GRID2: variants seen among roughly 807,000 people sequenced by gnomAD.
GRID2 encodes the protein glutamate ionotropic receptor delta type subunit 2.
GRID2 carries 33 observed loss-of-function variants against 114.8 expected under a neutral mutation model. That is an observed-to-expected ratio of 0.29 (90% CI 0.22 to 0.38). The LOEUF (loss-of-function observed/expected upper bound fraction) is 0.38. GRID2 is among the 10% of genes least tolerant of loss of function. The pLI, the probability that GRID2 is intolerant of heterozygous loss-of-function variation, is 1.00. For missense variants in GRID2, 1,184 were observed against 1,257.7 expected (o/e 0.94, Z 0.89); for synonymous variants, 505 against 449.9 (o/e 1.12, Z -1.55).
intron 12 of GRID2, among the ~76,000 whole-genome samples, chr4:93,514,411 C>G (rs1202108848): frequency 6.8e-6 from 1 of 146,464 alleles, no homozygotes; most frequent in South Asian, 2.1e-4. Context: ...TCGCTCCCCC[C>G]ACCTCCACAG....
chr4:93,314,840 C>G (rs1328444797), intron 8 of GRID2, among the ~76,000 whole-genome samples: 1 of 151,914 alleles, frequency 6.6e-6, no homozygotes, highest in East Asian at 1.9e-4. Context: ...ACCTATTTGC[C>G]ATTTTTTGTT....
At chr4:92,708,344 C>T (rs143631957) in intron 2 of GRID2, among the ~76,000 whole-genome samples, 6 of 152,262 alleles carry the variant, frequency 3.9e-5, no homozygotes, top group African/African-American at 1.4e-4. Context: ...AATAAAAAAT[C>T]ATGTACCTCA....
At chr4:92,800,130 TAAAG>T (rs1740082032) in intron 2 of GRID2, among the ~76,000 whole-genome samples, 1 of 151,496 alleles carries the variant, frequency 6.6e-6, no homozygotes, top group African/African-American at 2.4e-5. Context: ...TATATATTAA[TAAAG>T]AAAAATAATC....
At chr4:93,365,121 T>C (rs1762217965) in intron 8 of GRID2, among the ~76,000 whole-genome samples, 1 of 152,204 alleles carries the variant, frequency 6.6e-6, no homozygotes, top group Non-Finnish European at 1.5e-5. Context: ...CATCAGATTA[T>C]ATTGCAACAT....
chr4:93,178,097 T>G (rs1000031539), intron 4 of GRID2, among the ~76,000 whole-genome samples: 2 of 150,876 alleles, frequency 1.3e-5, no homozygotes, highest in Non-Finnish European at 2.9e-5. Context: ...TATAAGCTAG[T>G]GAGCAAGTAA....
intron 2 of GRID2, among the ~76,000 whole-genome samples, chr4:92,627,097 G>T (rs922743832): frequency 6.6e-6 from 1 of 151,974 alleles, no homozygotes; most frequent in East Asian, 1.9e-4. Flanking sequence ...ACATTTTGCA[G>T]AATCAACAAT....
chr4:92,700,518 T>G (rs1734619601), intron 2 of GRID2, among the ~76,000 whole-genome samples: 1 of 152,168 alleles, frequency 6.6e-6, no homozygotes, highest in Non-Finnish European at 1.5e-5. Context: ...TAATTCTCCT[T>G]TCCCTTAGTT....
chr4:92,768,525 T>G (rs1342237110), intron 2 of GRID2, among the ~76,000 whole-genome samples: 2 of 152,218 alleles, frequency 1.3e-5, no homozygotes, highest in African/African-American at 4.8e-5. Context: ...AAATTAGTTA[T>G]AGCAGTGGGC....
chr4:92,651,299 G>T (rs754799889), intron 2 of GRID2, among the ~76,000 whole-genome samples: 1 of 152,050 alleles, frequency 6.6e-6, no homozygotes, highest in East Asian at 1.9e-4. Flanking sequence ...CAGGGACTCA[G>T]TGTGGGTCTC....
chr4:93,769,541 G>A lies in GRID2; in HGVS notation c.2601+91G>A, dbSNP rs184706641. 38 of 1,228,250 alleles carry A rather than the reference G, an allele frequency of 3.1e-5. No individual in the cohort carries two copies. The East Asian group carries it at 8.2e-4, about 26-fold the overall frequency. The allele number at this position is 1,228,250 out of a possible 1,614,324, so 76.1% of individuals were successfully genotyped here. ...ATCCCAGGGAGGATAATGGGTTGGG[G>A]GTGGTCCTTGTTTTTTCGTTTCTTG... On this transcript the variant is annotated intron_variant, in intron 15 of 15. Coordinates refer to ENST00000282020, the MANE Select transcript of GRID2 (RefSeq NM_001510.4).
intron 2 of GRID2, among the ~76,000 whole-genome samples, chr4:93,041,514 C>G (rs530907650): frequency 6.6e-6 from 1 of 152,086 alleles, no homozygotes; most frequent in Admixed American, 6.5e-5. Flanking sequence ...TGTAGTTAAA[C>G]TCATATGAGG....
chr4:93,548,943 TA>T (rs534841497), intron 13 of GRID2, among the ~76,000 whole-genome samples: 37 of 145,878 alleles, frequency 2.5e-4, no homozygotes, highest in Non-Finnish European at 2.4e-4. Context: ...TTTAGAGAAG[TA>T]AAAAAAAAAA....
At chr4:93,581,430 T>C (rs940192577) in intron 13 of GRID2, among the ~76,000 whole-genome samples, 1 of 152,118 alleles carries the variant, frequency 6.6e-6, no homozygotes, top group Non-Finnish European at 1.5e-5. Flanking sequence ...TACACAGCAT[T>C]TATATCCGTA....
intron 14 of GRID2, among the ~76,000 whole-genome samples, chr4:93,691,588 A>G (rs1726569620): frequency 6.6e-6 from 1 of 152,122 alleles, no homozygotes; most frequent in South Asian, 2.1e-4. Context: ...TTTCATTTAT[A>G]GAATAGAAGA....
At chr4:92,982,022 TAA>T (rs1161216679) in intron 2 of GRID2, among the ~76,000 whole-genome samples, 198 of 80,196 alleles carry the variant, frequency 2.5e-3, no homozygotes, top group African/African-American at 8.1e-3. Flanking sequence ...AAAGTACTGG[TAA>T]AAAAAAAAAA....
At chr4:92,677,134 T>C (rs895383902) in intron 2 of GRID2, among the ~76,000 whole-genome samples, 2 of 152,130 alleles carry the variant, frequency 1.3e-5, no homozygotes, top group East Asian at 3.9e-4. Context: ...GTTGGGGAAA[T>C]AATGTTTAAT....
intron 2 of GRID2, among the ~76,000 whole-genome samples, chr4:92,826,361 A>C (rs889579736): frequency 1.3e-5 from 2 of 152,090 alleles, no homozygotes; most frequent in Non-Finnish European, 2.9e-5. Flanking sequence ...TCCTGGATGC[A>C]CCATCTAATG....
chr4:92,488,276 T>C (rs986166990), intron 1 of GRID2, among the ~76,000 whole-genome samples: 1 of 152,138 alleles, frequency 6.6e-6, no homozygotes, highest in African/African-American at 2.4e-5. Flanking sequence ...CTGAATAATC[T>C]ACAAAATTAT....
chr4:92,954,814 G>C (rs1160728063), intron 2 of GRID2, among the ~76,000 whole-genome samples: 2 of 139,112 alleles, frequency 1.4e-5, no homozygotes, highest in Non-Finnish European at 3.0e-5. Flanking sequence ...CCCTTTCTGT[G>C]TCCATGTGAT....
Sources: gnomAD v4.1 joint callset for allele counts (sites outside exome capture counted in the v4.1 genomes callset) on GRCh38, gnomAD v4.1.1 for gene constraint, MANE v1.5 for transcripts, NCBI Gene and HGNC (gene_info 2026-07-23, HGNC 2026-07-21) for gene names.